DAB1: variants seen among roughly 807,000 people sequenced by gnomAD.
The protein encoded by DAB1 is disabled homolog 1.
DAB1 carries 15 observed loss-of-function variants against 64.6 expected under a neutral mutation model. That is an observed-to-expected ratio of 0.23 (90% CI 0.16 to 0.36). The LOEUF (loss-of-function observed/expected upper bound fraction) is 0.36, where lower values mean the gene tolerates loss of function less well. DAB1 is among the 10% of genes least tolerant of loss of function. The pLI is 1.00. For synonymous variants in DAB1, 235 were observed against 251.9 expected (o/e 0.93, Z 0.64); for missense variants, 596 against 706.7 (o/e 0.84, Z 1.78).
At chr1:58,323,158 G>A (rs923603218) in intron 4 of DAB1, among the ~76,000 whole-genome samples, 2 of 151,902 alleles carry the variant, frequency 1.3e-5, no homozygotes, top group Admixed American at 6.6e-5. Context: ...CTTAATGGGT[G>A]CAGCACATCA....
chr1:57,732,343 C>T (rs957469260), intron 6 of DAB1, among the ~76,000 whole-genome samples: 1 of 152,166 alleles, frequency 6.6e-6, no homozygotes, highest in African/African-American at 2.4e-5. Context: ...CCACTACTGT[C>T]GACTGTGCAG....
intron 7 of DAB1, chr1:57,070,695 A>G: frequency 3.4e-6 from 1 of 297,716 alleles, no homozygotes; most frequent in Non-Finnish European, 6.4e-6. Context: ...CATTATTCAT[A>G]TTCTCTCTAA....
chr1:58,020,653 GA>G (rs1264480347), intron 5 of DAB1, among the ~76,000 whole-genome samples: 1 of 152,170 alleles, frequency 6.6e-6, no homozygotes, highest in African/African-American at 2.4e-5. Flanking sequence ...CTGATACGCA[GA>G]GCTGATGCCC....
downstream of DAB1, among the ~76,000 whole-genome samples, chr1:57,825,376 CAAGT>C (rs931188039): frequency 2.6e-5 from 4 of 152,128 alleles, no homozygotes; most frequent in Non-Finnish European, 4.4e-5. Context: ...CAGTAGAGAA[CAAGT>C]AAGTGAGAAC....
At chr1:57,872,397 C>A (rs552052305) in intron 1 of DAB1, among the ~76,000 whole-genome samples, 1 of 152,302 alleles carries the variant, frequency 6.6e-6, no homozygotes, top group South Asian at 2.1e-4. Context: ...ATCTATGAAC[C>A]AGGAAGTAGA....
intron 1 of DAB1, among the ~76,000 whole-genome samples, chr1:57,839,179 G>A (rs1652942283): frequency 6.6e-6 from 1 of 151,978 alleles, no homozygotes; most frequent in Admixed American, 6.6e-5. Context: ...GAAACCTTAG[G>A]CCTAGAAAAT....
intron 3 of DAB1, among the ~76,000 whole-genome samples, chr1:58,400,003 TAATA>T (rs890259367): frequency 2.0e-5 from 3 of 151,888 alleles, no homozygotes; most frequent in African/African-American, 4.8e-5. Context: ...CAAAAATAAA[TAATA>T]AATAAATAAA....
chr1:58,012,471 A>G (rs1181762441), intron 5 of DAB1, among the ~76,000 whole-genome samples: 5 of 152,112 alleles, frequency 3.3e-5, no homozygotes, highest in African/African-American at 1.2e-4. Context: ...CATGTACCCT[A>G]AAACTTAAAG....
At chr1:57,060,080 AGG>A (rs1650220698) in intron 9 of DAB1, among the ~76,000 whole-genome samples, 1 of 151,842 alleles carries the variant, frequency 6.6e-6, no homozygotes, top group Non-Finnish European at 1.5e-5. Flanking sequence ...TAATTCTACC[AGG>A]GATTTTCACA....
chr1:57,384,611 C>T (rs1045616005), intron 1 of DAB1, among the ~76,000 whole-genome samples: 4 of 152,176 alleles, frequency 2.6e-5, no homozygotes, highest in Admixed American at 2.0e-4. Flanking sequence ...CTAACACATG[C>T]ATGAACCTTG....
At chr1:58,048,818 C>A in intron 5 of DAB1, 1 of 1,068,394 alleles carries the variant, frequency 9.4e-7, no homozygotes, top group East Asian at 2.4e-5. Flanking sequence ...GTCTTATCCA[C>A]GGAATCATGG....
At chr1:58,192,474 G>A (rs1452961161) in intron 4 of DAB1, among the ~76,000 whole-genome samples, 1 of 151,944 alleles carries the variant, frequency 6.6e-6, no homozygotes, top group African/African-American at 2.4e-5. Context: ...ATGTGTCCAT[G>A]TGTATCATTG....
intron 3 of DAB1, among the ~76,000 whole-genome samples, chr1:58,486,144 T>A (rs1645572413): frequency 6.6e-6 from 1 of 152,174 alleles, no homozygotes; most frequent in South Asian, 2.1e-4. Flanking sequence ...GGGCCTGACA[T>A]AAAATACTTA....
intron 2 of DAB1, among the ~76,000 whole-genome samples, chr1:57,164,965 G>A (rs986068016): frequency 1.3e-5 from 2 of 152,212 alleles, no homozygotes; most frequent in Non-Finnish European, 2.9e-5. Context: ...CTCTGTACTT[G>A]CTGAAGGGAA....
intron 1 of DAB1, among the ~76,000 whole-genome samples, chr1:57,846,448 A>G (rs1451654599): frequency 7.8e-6 from 1 of 127,490 alleles, no homozygotes; most frequent in Non-Finnish European, 1.7e-5. Context: ...ACAGAGCAAG[A>G]CTCCATCAAA....
chr1:57,496,063 G>A (rs778882952), intron 7 of DAB1, among the ~76,000 whole-genome samples: 3 of 152,194 alleles, frequency 2.0e-5, no homozygotes, highest in Admixed American at 6.5e-5. Context: ...TGGGTTGTAC[G>A]TGTTTCTCTC....
At chr1:57,348,887 C>T (rs918469043) in intron 1 of DAB1, among the ~76,000 whole-genome samples, 4 of 152,160 alleles carry the variant, frequency 2.6e-5, no homozygotes, top group Admixed American at 2.6e-4. Context: ...CATATGTGCC[C>T]TTGACCCAGC....
At chr1:57,070,956 A>G in intron 7 of DAB1, 67 bp downstream of exon 7, 1 of 1,390,046 alleles carries the variant, frequency 7.2e-7, no homozygotes, top group Non-Finnish European at 1.0e-6. Flanking sequence ...CAGGTTTCTG[A>G]CAAAATGGCT....
At chr1:57,100,403 T>G (rs1188633907) in intron 4 of DAB1, among the ~76,000 whole-genome samples, 1 of 152,204 alleles carries the variant, frequency 6.6e-6, no homozygotes, top group Non-Finnish European at 1.5e-5. Flanking sequence ...TTCTACTATT[T>G]GTTTAGCAGC....
Sources: gnomAD v4.1 joint callset for allele counts (sites outside exome capture counted in the v4.1 genomes callset) on GRCh38, gnomAD v4.1.1 for gene constraint, MANE v1.5 for transcripts, NCBI Gene and HGNC (gene_info 2026-07-23, HGNC 2026-07-21) for gene names.